Variants in SNURF observed in about 807,000 individuals in gnomAD.
SNURF encodes SNURF protein.
Under a neutral mutation model 11.6 loss-of-function variants are expected in SNURF, and 6 were observed. That is an observed-to-expected ratio of 0.52 (90% CI 0.28 to 1.02). SNURF has a LOEUF of 1.02. Among genes scored for constraint, SNURF ranks in the 50% least tolerant of loss-of-function variants. The probability of loss-of-function intolerance (pLI) is 0.09; values close to 1 mark genes in which losing one functional copy is unlikely to be tolerated. For synonymous variants in SNURF, 29 were observed against 31.6 expected (o/e 0.92, Z 0.27); for missense variants, 84 against 88.4 (o/e 0.95, Z 0.20).
At chr15:24,965,555 A>T (rs2075489259) in intron 2 of SNURF, among the ~76,000 whole-genome samples, 1 of 152,216 alleles carries the variant, frequency 6.6e-6, no homozygotes, top group Non-Finnish European at 1.5e-5. Context: ...AAAAATAAAA[A>T]GTTCACTGAT....
Position 24,975,642 on chromosome 15 carries a change from C to G in SNURF, c.*197+133C>G, listed in dbSNP as rs192024950. On this transcript the variant is annotated intron_variant and NMD_transcript_variant, in intron 4 of 6. Coordinates refer to the SNURF transcript ENST00000580062. ...ATGGTAGAGCCAGTCTATTGTTTAA[C>G]CTCTTGACCTGATCTCTGAATTAGG... The G allele has an allele frequency of 7.0e-4, 490 of 695,314 alleles. 3 individuals carry two copies. In the African/African-American group the frequency reaches 7.9e-3, roughly 11 times the overall value. 43.1% of individuals were successfully genotyped at this position (695,314 alleles called of 1,614,324 possible). A position where few individuals can be genotyped will look rare whatever the true frequency, so the allele number is the denominator to read the frequency against.
intron 1 of SNURF, among the ~76,000 whole-genome samples, chr15:24,960,122 G>A (rs2153452904): frequency 6.6e-6 from 1 of 152,194 alleles, no homozygotes; most frequent in South Asian, 2.1e-4. Context: ...AAAATTAGCT[G>A]GGTGTGGTGG....
chr15:24,966,604 C>G lies in SNURF; in HGVS notation c.111-1328C>G, dbSNP rs1217892377. 3.9e-5 allele frequency among the ~76,000 whole-genome samples: 6 copies of G among 152,216 alleles called. No homozygotes were observed. In the East Asian group the frequency reaches 7.7e-4, roughly 20 times the overall value. ...TCACCATCTTGAGACATCTCATTAC[C>G]AAGAACTCAGGTGTGATCCTAGGGA... On this transcript the variant is annotated intron_variant, in intron 2 of 2. Coordinates refer to ENST00000577949, the Ensembl canonical transcript of SNURF.
chr15:24,965,104 G>T (rs1177875286), intron 2 of SNURF, among the ~76,000 whole-genome samples: 6 of 152,112 alleles, frequency 3.9e-5, no homozygotes, highest in Non-Finnish European at 5.9e-5. Flanking sequence ...ATGTGTTTAG[G>T]ATTCTCAGGA....
chr15:24,976,321 C>T, exon 5 of SNURF: 1 of 1,613,604 alleles, frequency 6.2e-7, no homozygotes, highest in African/African-American at 1.3e-5. Context: ...GAATGCGAAG[C>T]AACCAGAGCG....
At chr15:24,976,964 C>T in exon 6 of SNURF, 1 of 1,604,870 alleles carries the variant, frequency 6.2e-7, no homozygotes, top group African/African-American at 1.3e-5. Flanking sequence ...AGCTGGTGTG[C>T]CAATTCCCCA....
At chr15:24,962,336 TGTA>T in intron 2 of SNURF, 127 bp downstream of exon 2, 1 of 759,404 alleles carries the variant, frequency 1.3e-6, no homozygotes, top group Non-Finnish European at 2.3e-6. Flanking sequence ...ATACAGAAGA[TGTA>T]GTAAAAAAGC....
chr15:24,956,959 A>G (rs1165574076), intron 1 of SNURF, among the ~76,000 whole-genome samples: 1 of 152,204 alleles, frequency 6.6e-6, no homozygotes. Flanking sequence ...GCAAGCCTCC[A>G]TTAATGATAG....
At chr15:24,962,999 C>A (rs1191064941) in intron 2 of SNURF, among the ~76,000 whole-genome samples, 1 of 108,790 alleles carries the variant, frequency 9.2e-6, no homozygotes, top group Non-Finnish European at 1.8e-5. Context: ...AAAGCAACTA[C>A]CAACTTAACT....
intron 2 of SNURF, among the ~76,000 whole-genome samples, chr15:24,964,115 A>G (rs1218446967): frequency 6.6e-6 from 1 of 151,346 alleles, no homozygotes; most frequent in Non-Finnish European, 1.5e-5. Flanking sequence ...ATTTTTTCCT[A>G]TTTATTTTGC....
At chr15:24,975,227 A>G (rs2076932924) in intron 3 of SNURF, 1 of 703,808 alleles carries the variant, frequency 1.4e-6, no homozygotes, top group African/African-American at 1.8e-5. Flanking sequence ...AATGTTGGTG[A>G]AAAAGGAGAG....
chr15:24,978,317 A>G (rs2077297673), downstream of SNURF: 5 of 1,613,962 alleles, frequency 3.1e-6, no homozygotes, highest in Admixed American at 6.7e-5. Context: ...CAGGCATTAG[A>G]GGTGAGTGGG....
At chr15:24,972,390 A>T (rs959036724), downstream of SNURF, among the ~76,000 whole-genome samples, 1 of 152,128 alleles carries the variant, frequency 6.6e-6, no homozygotes, top group African/African-American at 2.4e-5. Context: ...ACTCATATTT[A>T]GGACAGAAAC....
chr15:24,964,633 T>A (rs1397451836), intron 2 of SNURF, among the ~76,000 whole-genome samples: 1 of 152,100 alleles, frequency 6.6e-6, no homozygotes, highest in African/African-American at 2.4e-5. Context: ...GACGTTTTTT[T>A]AAAGTGCCAT....
In SNURF at chr15:24,959,028, A is replaced by G. The variant is rs566971452; in HGVS notation, c.15-3086A>G. 4.3e-4 allele frequency among the ~76,000 whole-genome samples: 66 copies of G among 152,256 alleles called. 1 individual carries two copies. In the South Asian group the frequency reaches 0.013, roughly 31 times the overall value. ...CCGCTATACCTGGCCAACTTTGTTT[A>G]TTTTTATTCTTGAGATCTTAGTTAA... On this transcript the variant is annotated intron_variant, in intron 1 of 2. Transcript: ENST00000577949.
downstream of SNURF, chr15:24,968,461 A>G (rs1166016837): frequency 2.5e-5 from 4 of 159,794 alleles, no homozygotes; most frequent in Non-Finnish European, 5.5e-5. Flanking sequence ...AGCTTTGTAT[A>G]AAACTTAGAA....
chr15:24,956,076 GC>G (rs1490493017), intron 1 of SNURF, among the ~76,000 whole-genome samples: 1 of 152,126 alleles, frequency 6.6e-6, no homozygotes, highest in African/African-American at 2.4e-5. Flanking sequence ...CTGCAGAAAT[GC>G]GTGGAATCCT....
exon 3 of SNURF, chr15:24,968,272 G>A: frequency 1.0e-5 from 5 of 480,470 alleles, no homozygotes; most frequent in South Asian, 9.3e-5. Flanking sequence ...TCATGTTTCT[G>A]TATTCCAGTT....
chr15:24,966,945 G>T (rs2075730338), intron 2 of SNURF: 1 of 152,088 alleles, frequency 6.6e-6, no homozygotes, highest in African/African-American at 2.4e-5. Flanking sequence ...GAGGGCTTTT[G>T]TCTGGAATTC....
Sources: allele counts gnomAD v4.1 joint callset (sites outside exome capture counted in the v4.1 genomes callset), GRCh38; gene constraint gnomAD v4.1.1; transcripts MANE v1.5; gene names NCBI Gene and HGNC (gene_info 2026-07-23, HGNC 2026-07-21).